The following STK33 variants were observed in gnomAD, a reference collection of about 807,000 sequenced individuals.
STK33 encodes the protein serine/threonine kinase 33, also known as serine/threonine-protein kinase 33.
STK33 carries 52 observed loss-of-function variants against 58.0 expected under a neutral mutation model. That is an observed-to-expected ratio of 0.90 (90% confidence interval 0.72 to 1.13). The LOEUF is 1.13. Ranked by LOEUF, STK33 falls within the 50% of genes most tolerant of loss-of-function variation. The pLI, the probability that STK33 is intolerant of heterozygous loss-of-function variation, is 0.00. For missense variants in STK33, 630 were observed against 604.2 expected, an observed-to-expected ratio of 1.04 and a Z score of -0.45; for synonymous variants, 215 against 200.1, an observed-to-expected ratio of 1.07 and a Z score of -0.63.
intron 1 of STK33, among the ~76,000 whole-genome samples, chr11:8,544,391 C>T (rs1955757476): frequency 6.8e-6 from 1 of 147,738 alleles, no homozygotes; most frequent in Non-Finnish European, 1.5e-5. Flanking sequence ...CCATATTTAT[C>T]CTTAACTGTC....
At chr11:8,390,348 G>A (rs12577520), downstream of STK33, among the ~76,000 whole-genome samples, 3 of 152,324 alleles carry the variant, frequency 2.0e-5, no homozygotes, top group East Asian at 5.8e-4. Context: ...CACAGGAGGT[G>A]TCACAGTGTT....
chr11:8,358,882 T>C, the STK33 span, among the ~76,000 whole-genome samples: 2 of 152,172 alleles, frequency 1.3e-5, no homozygotes, highest in Admixed American at 6.5e-5. Flanking sequence ...AAATTTACAG[T>C]GGAGAGAAGG....
In STK33 at chr11:8,417,465, T is replaced by TCA. The variant is rs535072817; in HGVS notation, c.1147-3775_1147-3774dup. ...ACTGCCTTTTAAGAGATAGTGCCTA[T>TCA]CAGTGCTTTGTAAACAGTAAGCACT... On this transcript the variant is annotated intron_variant, in intron 14 of 15. Coordinates refer to ENST00000687296, the MANE Select transcript of STK33 (RefSeq NM_001352389.2). Among the ~76,000 whole-genome samples, 36 of 152,240 alleles carry TCA rather than the reference T, an allele frequency of 2.4e-4. No individual in the cohort carries two copies. In the South Asian group the frequency reaches 7.5e-3, roughly 32 times the overall value.
At chr11:8,386,024 T>G in the STK33 span, among the ~76,000 whole-genome samples, 2 of 151,958 alleles carry the variant, frequency 1.3e-5, no homozygotes, top group African/African-American at 2.4e-5. Flanking sequence ...CCACCCACCT[T>G]GGCCTCCCAA....
intron 1 of STK33, among the ~76,000 whole-genome samples, chr11:8,501,469 T>C (rs1178996281): frequency 6.6e-6 from 1 of 151,916 alleles, no homozygotes; most frequent in Non-Finnish European, 1.5e-5. Flanking sequence ...AAAATACAAA[T>C]CAAAAGCATG....
intron 1 of STK33, among the ~76,000 whole-genome samples, chr11:8,582,540 T>A (rs2030561873): frequency 6.6e-6 from 1 of 152,090 alleles, no homozygotes; most frequent in Non-Finnish European, 1.5e-5. Flanking sequence ...TCAGATCTCA[T>A]GAGAATTCAC....
At chr11:8,518,616 C>CAT (rs937425670) in intron 1 of STK33, among the ~76,000 whole-genome samples, 25 of 152,186 alleles carry the variant, frequency 1.6e-4, no homozygotes, top group African/African-American at 5.3e-4. Flanking sequence ...CAGAGACACA[C>CAT]ATAGGCTCAA....
chr11:8,515,870 C>T (rs563969846), intron 1 of STK33, among the ~76,000 whole-genome samples: 2 of 152,192 alleles, frequency 1.3e-5, no homozygotes, highest in South Asian at 4.1e-4. Context: ...ATATGAAAAG[C>T]CCATAGTTAA....
the STK33 span, among the ~76,000 whole-genome samples, chr11:8,361,077 G>A: frequency 6.6e-6 from 1 of 152,160 alleles, no homozygotes; most frequent in African/African-American, 2.4e-5. The surrounding 1 kb of genome is among the most constrained non-coding windows in gnomAD (Gnocchi z 4.8). Flanking sequence ...ATTTTTGGGT[G>A]GGAAAATGTA....
rs7944638 is a variant in STK33 at position 8,534,980 on chromosome 11, G to A, written c.-465-54366C>T. Among the ~76,000 whole-genome samples the A allele has an allele frequency of 8.3e-3, 1,256 of 152,212 alleles. 13 individuals carry two copies. The highest frequency in any genetic ancestry group is 0.029 in the African/African-American group (1,196 of 41,538). On this transcript the variant is annotated intron_variant, in intron 1 of 15. Transcript: ENST00000687296. ...CCCCTGGGATGATAACGTCCTCTAA[G>A]CACCTTAGAAAGACGTCAGAGAAGG...
At chr11:8,565,157 G>GA (rs138582335) in intron 1 of STK33, among the ~76,000 whole-genome samples, 2 of 150,164 alleles carry the variant, frequency 1.3e-5, no homozygotes, top group East Asian at 1.9e-4. Context: ...TAGAAAAGAG[G>GA]AAAAAAAAAT....
At chr11:8,570,755 G>C (rs1178643292) in intron 1 of STK33, among the ~76,000 whole-genome samples, 2 of 152,144 alleles carry the variant, frequency 1.3e-5, no homozygotes, top group East Asian at 1.9e-4. Flanking sequence ...GGGAATTTTG[G>C]GGGGGTGATG....
the STK33 span, among the ~76,000 whole-genome samples, chr11:8,378,277 G>C: frequency 6.6e-6 from 1 of 152,210 alleles, no homozygotes; most frequent in Non-Finnish European, 1.5e-5. Context: ...CCAGCACTTC[G>C]GGAGGCCGAG....
intron 15 of STK33, 150 bp downstream of exon 15, chr11:8,413,345 G>T: frequency 3.5e-6 from 3 of 850,434 alleles, no homozygotes; most frequent in Non-Finnish European, 3.7e-6. Context: ...AATCATGCTA[G>T]CCTTATAAGG....
At chr11:8,433,889 C>T (rs1389902975) in intron 14 of STK33, 1 of 152,348 alleles carries the variant, frequency 6.6e-6, no homozygotes, top group African/African-American at 2.4e-5. Flanking sequence ...TTCCCTATTT[C>T]CAAGCCACTC....
chr11:8,512,644 T>C (rs1397306174), intron 1 of STK33, among the ~76,000 whole-genome samples: 5 of 152,190 alleles, frequency 3.3e-5, no homozygotes, highest in African/African-American at 1.2e-4. Flanking sequence ...TTAAGTCTAA[T>C]ACATAAAATA....
At chr11:8,403,059 G>T (rs151214934) in intron 15 of STK33, among the ~76,000 whole-genome samples, 1,563 of 152,274 alleles carry the variant, frequency 0.01, 29 homozygotes, top group African/African-American at 0.035. Flanking sequence ...CTGTACAAAG[G>T]GGGAGAAAGA....
At chr11:8,550,871 G>A (rs982555902) in intron 1 of STK33, among the ~76,000 whole-genome samples, 3 of 151,992 alleles carry the variant, frequency 2.0e-5, no homozygotes, top group African/African-American at 4.8e-5. Flanking sequence ...CCTATTACCC[G>A]GTTCCAAAGT....
chr11:8,344,804 G>C, the STK33 span, among the ~76,000 whole-genome samples: 2 of 152,190 alleles, frequency 1.3e-5, no homozygotes, highest in African/African-American at 4.8e-5. Context: ...CCCTGGAGGT[G>C]GGGAGGCTCC....
Sources: allele counts gnomAD v4.1 joint callset (sites outside exome capture counted in the v4.1 genomes callset), GRCh38; gene constraint gnomAD v4.1.1; non-coding constraint Gnocchi (gnomAD v3.1); transcripts MANE v1.5; gene names NCBI Gene and HGNC (gene_info 2026-07-23, HGNC 2026-07-21).